The following UNC13B variants were observed in gnomAD, a reference collection of about 807,000 sequenced individuals.
The protein encoded by UNC13B is protein unc-13 homolog B.
In UNC13B, 144 loss-of-function variants were observed where a neutral mutation model predicts 211.0. The ratio of observed to expected loss-of-function variants is 0.68; its 90% CI spans 0.60 to 0.78. The LOEUF (loss-of-function observed/expected upper bound fraction) is 0.78, where lower values mean the gene tolerates loss of function less well. UNC13B is among the 30% of genes least tolerant of loss of function. The pLI, the probability that UNC13B is intolerant of heterozygous loss-of-function variation, is 0.00. For synonymous variants in UNC13B, 709 were observed against 725.8 expected (o/e 0.98, Z 0.37); for missense variants, 1,777 against 2,002.0 (o/e 0.89, Z 2.14).
chr9:35,308,370 C>T lies in UNC13B; in HGVS notation c.8966C>T (p.Pro2989Leu), dbSNP rs1332873857. 4 of 398,968 alleles carry T rather than the reference C, an allele frequency of 1.0e-5. No individual in the cohort carries two copies. The highest frequency in any genetic ancestry group is 4.4e-5 in the Admixed American group (1 of 22,712). 24.7% of individuals were successfully genotyped at this position (398,968 alleles called of 1,614,324 possible). A position where few individuals can be genotyped will look rare whatever the true frequency, so the allele number is the denominator to read the frequency against. ...STDSDLNVQQPVTLNDIKEPM... is the reference protein window; with the variant it reads ...STDSDLNVQQLVTLNDIKEPM... ...GACTCTGATTTGAATGTACAGCAGC[C>T]AGTCACTCTGAATGACATCAAGGAG... is the stretch of plus-strand genomic sequence containing the variant. The change falls in exon 9 of 40, where the codon CCA becomes CTA. Residue 2989 changes from proline to leucine, a missense_variant. Physicochemically the swap from Pro to Leu is moderately conservative, Grantham distance 98 (BLOSUM62 -3). Transcript: ENST00000635942.
rs974999118 is a variant in UNC13B, at chr9:35,377,513, A to G, written c.9881A>G (p.Gln3294Arg). 2 of 1,614,130 alleles carry G rather than the reference A, an allele frequency of 1.2e-6. No individual in the cohort carries two copies. Among genetic ancestry groups the G allele is most frequent in the Admixed American group, 3.3e-5 (2 of 60,004 alleles). ...AAACATGGAGCTGAGGACCGGACCC[A>G]GAACATTATCATGGCCATGAAGGAC... ...SCKHGAEDRT[Q>R]NIIMAMKDRM... Residue 3294 changes from glutamine (Q) to arginine (R), a missense_variant, in exon 16 of 40, where the codon CAG (glutamine) becomes CGG (arginine). Gln to Arg is a conservative substitution (Grantham distance 43). Coordinates refer to ENST00000635942, the MANE Select transcript of UNC13B (RefSeq NM_001371189.2).
chr9:35,189,554 A>G (rs1468152694), intron 1 of UNC13B, among the ~76,000 whole-genome samples: 1 of 152,240 alleles, frequency 6.6e-6, no homozygotes, highest in Non-Finnish European at 1.5e-5. Context: ...AAAATATTTA[A>G]GTGCTTATTT....
chr9:35,382,723 C>T (rs961221475), intron 21 of UNC13B, among the ~76,000 whole-genome samples: 6 of 151,974 alleles, frequency 3.9e-5, no homozygotes, highest in East Asian at 1.9e-4. Context: ...CCACCACGCC[C>T]GGATAATTTT....
Position 35,295,724 on chromosome 9 carries a change from T to C in UNC13B, c.555T>C (p.Asp185=). The change falls in exon 8 of 40, where the codon GAT becomes GAC. Residue 185 remains aspartate (D), a synonymous_variant. Transcript: ENST00000635942. ...TTGAAGACCCTGATAGTGCCGTCGA[T>C]GACCGAGATAGTGACTATCGCAGTG... The part of the protein sequence containing the change: ...CSFEDPDSAV[D]DRDSDYRSET... 6.2e-7 allele frequency: 1 copy of C among 1,614,180 alleles called. No individual in the cohort carries two copies. The highest frequency in any genetic ancestry group is 8.5e-7 in the Non-Finnish European group (1 of 1,180,038).
Position 35,303,441 on chromosome 9 carries a change from C to T in UNC13B, c.4037C>T (p.Ala1346Val), listed in dbSNP as rs1304566850. The T allele has an allele frequency of 2.5e-6, 1 of 398,662 alleles. No individual in the cohort carries two copies. Among genetic ancestry groups the T allele is most frequent in the Non-Finnish European group, 4.4e-6 (1 of 225,846 alleles). The allele number at this position is 398,662 out of a possible 1,614,324, so 24.7% of individuals were successfully genotyped here. A position where few individuals can be genotyped will look rare whatever the true frequency, so the allele number is the denominator to read the frequency against. The change falls in exon 9 of 40, where the codon GCT (alanine) becomes GTT (valine). Residue 1346 changes from alanine (A) to valine (V), a missense_variant. Ala to Val is a moderately conservative substitution (Grantham distance 64). Transcript: ENST00000635942. ...NILNKSNNYQ[A>V]FEEMNSPFCF... is the part of the protein sequence containing the mutation. ...CTCAATAAATCAAACAACTATCAGG[C>T]TTTTGAAGAGATGAACAGTCCTTTC...
At chr9:35,268,793 A>G (rs1394351083) in intron 7 of UNC13B, among the ~76,000 whole-genome samples, 1 of 152,160 alleles carries the variant, frequency 6.6e-6, no homozygotes, top group Non-Finnish European at 1.5e-5. Context: ...CTTTGTAACT[A>G]AGTGTGTAGT....
intron 1 of UNC13B, among the ~76,000 whole-genome samples, chr9:35,165,298 TG>T (rs528648548): frequency 1.7e-4 from 26 of 152,286 alleles, no homozygotes; most frequent in Non-Finnish European, 2.8e-4. Context: ...ACAGTTGGGT[TG>T]TTCAGAACAA....
At chr9:35,400,940 C>A (rs1361370221) in intron 37 of UNC13B, among the ~76,000 whole-genome samples, 1 of 151,650 alleles carries the variant, frequency 6.6e-6, no homozygotes, top group East Asian at 1.9e-4. Context: ...ATCCTGGGGC[C>A]CTGTGCACAG....
At chr9:35,316,280 T>C (rs1409148982) in intron 11 of UNC13B, among the ~76,000 whole-genome samples, 1 of 152,244 alleles carries the variant, frequency 6.6e-6, no homozygotes, top group East Asian at 1.9e-4. Flanking sequence ...CATTAATTTA[T>C]TTATGTCAAT....
In UNC13B at chr9:35,404,632, A is replaced by G. The variant is rs1270056573; in HGVS notation, c.*599A>G. On this transcript the variant is annotated 3_prime_UTR_variant, in exon 40 of 40. Transcript: ENST00000635942. Reference sequence around the variant, plus strand: ...ATAACTTCTAGAAATGAACTGTACTAATCCCTTTCCCCAGATTGTATCATG... The same window carrying G: ...ATAACTTCTAGAAATGAACTGTACTGATCCCTTTCCCCAGATTGTATCATG... The G allele has an allele frequency of 3.9e-5, 6 of 154,240 alleles. No individual in the cohort carries two copies. The highest frequency in any genetic ancestry group is 7.2e-5 in the Non-Finnish European group (5 of 69,342). 9.6% of individuals were successfully genotyped at this position (154,240 alleles called of 1,614,324 possible). A position where few individuals can be genotyped will look rare whatever the true frequency, so the allele number is the denominator to read the frequency against.
In UNC13B at chr9:35,275,039, C is replaced by CT. The variant is rs201191390; in HGVS notation, c.526+15998dup. 9.9e-3 allele frequency among the ~76,000 whole-genome samples: 1,505 copies of CT among 151,540 alleles called. 16 individuals are homozygous for CT. Among genetic ancestry groups the CT allele is most frequent in the Non-Finnish European group, 0.015 (1,039 of 67,808 alleles). ...TTGGTTTTCTTGTTAGTTTTGAATT[C>CT]TTTTTTTTTCTTTTCTTTACCTTGG... On this transcript the variant is annotated intron_variant, in intron 7 of 39. Coordinates refer to ENST00000635942, the MANE Select transcript of UNC13B (RefSeq NM_001371189.2).
chr9:35,266,536 A>G (rs551159107), intron 7 of UNC13B, among the ~76,000 whole-genome samples: 3 of 152,340 alleles, frequency 2.0e-5, no homozygotes, highest in African/African-American at 4.8e-5. Flanking sequence ...CCCTGTCTCT[A>G]TTTAAAAATA....
chr9:35,275,098 T>G (rs963196144), intron 7 of UNC13B, among the ~76,000 whole-genome samples: 1 of 152,192 alleles, frequency 6.6e-6, no homozygotes, highest in Admixed American at 6.5e-5. Flanking sequence ...ATGGCCACTT[T>G]GCATGGTATT....
At position 35,310,769 on chromosome 9, in the gene UNC13B, G is replaced by A; in HGVS notation, c.9311G>A (p.Gly3104Asp). 1 of 1,613,016 alleles carries A rather than the reference G, an allele frequency of 6.2e-7. No homozygotes were observed. The highest frequency in any genetic ancestry group is 8.5e-7 in the Non-Finnish European group (1 of 1,179,502). Residue 3104 changes from glycine to aspartate, a missense_variant, in exon 10 of 40, where the codon GGT becomes GAT. Coordinates refer to ENST00000635942, the MANE Select transcript of UNC13B (RefSeq NM_001371189.2). ...DLVLQKDHFLGPQESFPEENA... is the reference protein window; with the variant it reads ...DLVLQKDHFLDPQESFPEENA... ...GTGCTGCAAAAAGACCACTTCCTAGGTCCCCAGGAGAGGTAGGCAACAGCT... is the reference window on the plus strand; with the variant it reads ...GTGCTGCAAAAAGACCACTTCCTAGATCCCCAGGAGAGGTAGGCAACAGCT...
At chr9:35,327,223 G>A (rs1302202627) in intron 11 of UNC13B, among the ~76,000 whole-genome samples, 2 of 152,152 alleles carry the variant, frequency 1.3e-5, no homozygotes, top group African/African-American at 4.8e-5. Flanking sequence ...TCCAGTGGGA[G>A]AGAACCAATA....
At chr9:35,278,004 G>C (rs1769751847) in intron 7 of UNC13B, among the ~76,000 whole-genome samples, 1 of 152,142 alleles carries the variant, frequency 6.6e-6, no homozygotes, top group Non-Finnish European at 1.5e-5. Context: ...AATTACTTTT[G>C]AAAGAACTAA....
intron 7 of UNC13B, among the ~76,000 whole-genome samples, chr9:35,261,131 C>T (rs79656230): frequency 1.6e-3 from 248 of 152,148 alleles, no homozygotes; most frequent in Non-Finnish European, 2.1e-3. Flanking sequence ...CAAGAGTGCT[C>T]ATTACCCTTT....
At chr9:35,380,405 A>G in intron 17 of UNC13B, 65 bp from the exon 18 acceptor site, 1 of 1,551,618 alleles carries the variant, frequency 6.4e-7, no homozygotes, top group Non-Finnish European at 8.8e-7. Flanking sequence ...GGGAGGGAAT[A>G]GGAAGTAACA....
Position 35,162,276 on chromosome 9 carries a change from C to A in UNC13B, c.-8C>A. ...GGGGCGCGGCAGAGGCTTGCCCGATCCTCGGCCATGTCACTGCTCTGCGTG... is the reference window on the plus strand; with the variant it reads ...GGGGCGCGGCAGAGGCTTGCCCGATACTCGGCCATGTCACTGCTCTGCGTG... On this transcript the variant is annotated 5_prime_UTR_variant, in exon 1 of 40. Transcript: ENST00000635942. The A allele has an allele frequency of 6.5e-7, 1 of 1,541,164 alleles. No homozygotes were observed. Among genetic ancestry groups the A allele is most frequent in the Non-Finnish European group, 8.7e-7 (1 of 1,147,828 alleles).
Sources: gnomAD v4.1 joint callset for allele counts (sites outside exome capture counted in the v4.1 genomes callset) on GRCh38, gnomAD v4.1.1 for gene constraint, MANE v1.5 for transcripts, NCBI Gene and HGNC (gene_info 2026-07-23, HGNC 2026-07-21) for gene names.